The following MGAT4C variants were observed in gnomAD, a reference collection of about 807,000 sequenced individuals.
MGAT4C encodes MGAT4 family member C.
MGAT4C carries 19 observed loss-of-function variants against 40.1 expected under a neutral mutation model. That is an observed-to-expected ratio of 0.47 (90% CI 0.33 to 0.70). The LOEUF (loss-of-function observed/expected upper bound fraction) is 0.70. Among genes scored for constraint, MGAT4C ranks in the 30% least tolerant of loss-of-function variants. MGAT4C has a pLI of 0.02. For synonymous variants in MGAT4C, 181 were observed against 187.1 expected (o/e 0.97, Z 0.27); for missense variants, 491 against 563.2 (o/e 0.87, Z 1.30).
Position 86,578,356 on chromosome 12 carries a change from T to C in MGAT4C, c.-228-143091A>G, listed in dbSNP as rs562079841. On this transcript the variant is annotated intron_variant, in intron 2 of 7. Coordinates refer to the MGAT4C transcript ENST00000548651. ...TACATAACAATCATGTGTCTTTCTCTGGCTTTGGTATCAGGGTAACACTGG... is the reference window on the plus strand; with the variant it reads ...TACATAACAATCATGTGTCTTTCTCCGGCTTTGGTATCAGGGTAACACTGG... Among the ~76,000 whole-genome samples the C allele has an allele frequency of 2.4e-4, 36 of 151,996 alleles. 1 individual carries two copies. The highest frequency in any genetic ancestry group is 6.2e-4 in the South Asian group (3 of 4,832).
At chr12:86,786,566 A>G (rs1951934701) in intron 1 of MGAT4C, among the ~76,000 whole-genome samples, 1 of 151,988 alleles carries the variant, frequency 6.6e-6, no homozygotes, top group South Asian at 2.1e-4. Context: ...TTTTAACTCC[A>G]AACTTCTGCT....
At chr12:86,498,499 ATACACAATATC>A in intron 2 of MGAT4C, among the ~76,000 whole-genome samples, 1 of 152,086 alleles carries the variant, frequency 6.6e-6, no homozygotes, top group South Asian at 2.1e-4. Context: ...ACCATCAAAT[ATACACAATATC>A]TATTACAAAA....
intron 4 of MGAT4C, among the ~76,000 whole-genome samples, chr12:86,261,773 G>A (rs1952663353): frequency 6.6e-6 from 1 of 151,974 alleles, no homozygotes; most frequent in Admixed American, 6.5e-5. Flanking sequence ...ACTCTGCCTT[G>A]TAAGGAAGTA....
intron 2 of MGAT4C, among the ~76,000 whole-genome samples, chr12:85,991,075 G>A (rs895307717): frequency 2.6e-5 from 4 of 152,154 alleles, no homozygotes; most frequent in Non-Finnish European, 5.9e-5. Context: ...ATGAAGAGGA[G>A]CTTTATTCAG....
chr12:86,585,962 T>C (rs1307071533), intron 2 of MGAT4C, among the ~76,000 whole-genome samples: 1 of 151,140 alleles, frequency 6.6e-6, no homozygotes, highest in Admixed American at 6.6e-5. Context: ...TAATTATTAT[T>C]ATTATACTTT....
chr12:86,239,702 A>C (rs1951696644), intron 1 of MGAT4C, among the ~76,000 whole-genome samples: 1 of 152,082 alleles, frequency 6.6e-6, no homozygotes, highest in African/African-American at 2.4e-5. Flanking sequence ...AGATCCAGAC[A>C]TACAACAAAG....
intron 1 of MGAT4C, among the ~76,000 whole-genome samples, chr12:86,245,665 C>G (rs1951995505): frequency 1.3e-5 from 2 of 152,222 alleles, no homozygotes; most frequent in African/African-American, 4.8e-5. Context: ...TTCTCTGAAG[C>G]CATGGTGCAT....
intron 4 of MGAT4C, among the ~76,000 whole-genome samples, chr12:86,283,621 G>A (rs975047476): frequency 6.6e-6 from 1 of 151,986 alleles, no homozygotes; most frequent in Non-Finnish European, 1.5e-5. Flanking sequence ...ACATGCTTAG[G>A]CTAATTCTGA....
At chr12:86,711,907 G>A (rs551229218) in intron 2 of MGAT4C, among the ~76,000 whole-genome samples, 1 of 152,224 alleles carries the variant, frequency 6.6e-6, no homozygotes, top group Non-Finnish European at 1.5e-5. Flanking sequence ...CCTTTTAACT[G>A]TGGGGACTGT....
At chr12:86,243,529 AG>A (rs1485177220) in intron 1 of MGAT4C, among the ~76,000 whole-genome samples, 2 of 152,214 alleles carry the variant, frequency 1.3e-5, no homozygotes, top group Non-Finnish European at 2.9e-5. Flanking sequence ...CCATTTTAGC[AG>A]ACTTAAACAA....
chr12:86,192,189 A>G (rs1889590675), intron 1 of MGAT4C, among the ~76,000 whole-genome samples: 1 of 151,786 alleles, frequency 6.6e-6, no homozygotes, highest in African/African-American at 2.4e-5. Context: ...ACATGTATAC[A>G]TATGTAACAA....
intron 2 of MGAT4C, among the ~76,000 whole-genome samples, chr12:86,496,660 C>T (rs904505414): frequency 2.6e-5 from 4 of 151,898 alleles, no homozygotes; most frequent in African/African-American, 9.7e-5. Context: ...AATCTGATTG[C>T]ATGGAAGATC....
Position 86,774,319 on chromosome 12 carries a change from C to CTTTCTTTCTTTTCTTTCT in MGAT4C, c.-261-47079_-261-47078insAGAAAGAAAAGAAAGAAA, listed in dbSNP as rs1555227780. On this transcript the variant is annotated intron_variant, in intron 1 of 7. Transcript: ENST00000548651. ...TCTTTCTTTCTTTCTTTCTTTCTTT[C>CTTTCTTTCTTTTCTTTCT]TTTCTTTCTTTCTTTCTTTCTGTCT... 1.2e-3 allele frequency among the ~76,000 whole-genome samples: 116 copies of CTTTCTTTCTTTTCTTTCT among 93,720 alleles called. 3 individuals carry two copies. Among genetic ancestry groups the CTTTCTTTCTTTTCTTTCT allele is most frequent in the African/African-American group, 4.4e-3 (111 of 25,104 alleles). 61.5% of individuals were successfully genotyped at this position (93,720 alleles called of 152,430 possible). A position where few individuals can be genotyped will look rare whatever the true frequency, so the allele number is the denominator to read the frequency against.
chr12:86,835,213 T>G (rs771384676), intron 1 of MGAT4C, among the ~76,000 whole-genome samples: 9 of 151,966 alleles, frequency 5.9e-5, no homozygotes, highest in Admixed American at 5.9e-4. Flanking sequence ...GGAATTCAGA[T>G]GTAGAATTTT....
intron 2 of MGAT4C, among the ~76,000 whole-genome samples, chr12:86,595,644 TA>T (rs1455220467): frequency 6.6e-6 from 1 of 152,226 alleles, no homozygotes. Flanking sequence ...TACATCCTTG[TA>T]ACTTACTGTA....
intron 1 of MGAT4C, among the ~76,000 whole-genome samples, chr12:86,758,286 A>G (rs1951340948): frequency 6.6e-6 from 1 of 152,042 alleles, no homozygotes; most frequent in Non-Finnish European, 1.5e-5. Context: ...ACAGAAGCAC[A>G]TATTTGGATA....
chr12:86,634,679 C>T (rs1241934261), intron 2 of MGAT4C, among the ~76,000 whole-genome samples: 1 of 152,064 alleles, frequency 6.6e-6, no homozygotes, highest in Non-Finnish European at 1.5e-5. Context: ...CCTATAATTC[C>T]CTGCCATGAA....
At chr12:86,214,835 A>C (rs1447925029) in intron 1 of MGAT4C, among the ~76,000 whole-genome samples, 1 of 152,244 alleles carries the variant, frequency 6.6e-6, no homozygotes, top group African/African-American at 2.4e-5. Flanking sequence ...TGTCCACAGC[A>C]ATACTTGAAA....
intron 2 of MGAT4C, among the ~76,000 whole-genome samples, chr12:86,720,316 C>A (rs1284408471): frequency 2.0e-5 from 3 of 151,930 alleles, no homozygotes; most frequent in African/African-American, 7.3e-5. Flanking sequence ...ATAATCTAGC[C>A]TCAAAGTTAT....
Sources: allele counts gnomAD v4.1 joint callset (sites outside exome capture counted in the v4.1 genomes callset), GRCh38; gene constraint gnomAD v4.1.1; transcripts MANE v1.5; gene names NCBI Gene and HGNC (gene_info 2026-07-23, HGNC 2026-07-21).